CDK13: variants seen among roughly 807,000 people sequenced by gnomAD.
CDK13 encodes the protein cyclin dependent kinase 13, also known as cyclin-dependent kinase 13.
Under a neutral mutation model 137.6 loss-of-function variants are expected in CDK13, and 40 were observed. That is an observed-to-expected ratio of 0.29 (90% CI 0.23 to 0.38). The LOEUF (loss-of-function observed/expected upper bound fraction) is 0.38, where lower values mean the gene tolerates loss of function less well. Among genes scored for constraint, CDK13 ranks in the 10% least tolerant of loss-of-function variants. The probability of loss-of-function intolerance (pLI) is 1.00; values close to 1 mark genes in which losing one functional copy is unlikely to be tolerated. For missense variants in CDK13, 1,704 were observed against 1,951.8 expected, an observed-to-expected ratio of 0.87 and a Z score of 2.39; for synonymous variants, 869 against 760.1, an observed-to-expected ratio of 1.14 and a Z score of -2.36.
intron 1 of CDK13, among the ~76,000 whole-genome samples, chr7:39,957,038 T>C (rs370261224): frequency 6.6e-6 from 1 of 152,152 alleles, no homozygotes; most frequent in Non-Finnish European, 1.5e-5. Context: ...AACTCTCTTT[T>C]GCTCTTCATC....
intron 1 of CDK13, among the ~76,000 whole-genome samples, chr7:39,976,323 T>TCTCACA: frequency 4.7e-3 from 184 of 39,566 alleles, no homozygotes; most frequent in African/African-American, 0.012. Context: ...TCTCTCTCTC[T>TCTCACA]CACACACACA....
At chr7:40,069,353 T>C (rs756655156) in intron 9 of CDK13, 7 of 455,918 alleles carry the variant, frequency 1.5e-5, no homozygotes, top group African/African-American at 4.0e-5. Context: ...CTGACTATAA[T>C]GAGGCAACGG....
chr7:40,065,208 G>A (rs1786254513), intron 9 of CDK13, among the ~76,000 whole-genome samples: 1 of 151,730 alleles, frequency 6.6e-6, no homozygotes, highest in Admixed American at 6.6e-5. Flanking sequence ...ATAGAGGAAG[G>A]AACTCCAAAA....
intron 1 of CDK13, among the ~76,000 whole-genome samples, chr7:39,968,038 C>T (rs1052958266): frequency 2.0e-5 from 3 of 152,150 alleles, no homozygotes; most frequent in African/African-American, 4.8e-5. Flanking sequence ...ACTGTATTCC[C>T]TCTTTTGAGG....
intron 5 of CDK13, among the ~76,000 whole-genome samples, chr7:40,003,704 G>A (rs769613618): frequency 1.3e-5 from 2 of 152,148 alleles, no homozygotes; most frequent in African/African-American, 4.8e-5. Context: ...TACCAGGGAC[G>A]TCCTGCTTTT....
At chr7:39,962,500 T>C (rs1034864804) in intron 1 of CDK13, among the ~76,000 whole-genome samples, 3 of 152,232 alleles carry the variant, frequency 2.0e-5, no homozygotes, top group African/African-American at 7.2e-5. Flanking sequence ...TCTTGTAAAT[T>C]TGTTTAAGTT....
At chr7:40,025,105 C>T (rs1458390231) in intron 5 of CDK13, among the ~76,000 whole-genome samples, 2 of 152,136 alleles carry the variant, frequency 1.3e-5, no homozygotes, top group Admixed American at 1.3e-4. Flanking sequence ...AACTCATGCT[C>T]CTGATCCCTA....
chr7:39,999,802 G>A (rs1315386546), intron 4 of CDK13, among the ~76,000 whole-genome samples: 1 of 152,096 alleles, frequency 6.6e-6, no homozygotes, highest in Admixed American at 6.6e-5. Flanking sequence ...ATTAATCAGA[G>A]GGAAAGGTAT....
chr7:40,089,715 A>AGT (rs1273495355), intron 12 of CDK13, among the ~76,000 whole-genome samples: 2 of 143,466 alleles, frequency 1.4e-5, no homozygotes, highest in African/African-American at 5.6e-5. Context: ...AGAGAGAGAG[A>AGT]GAGAGAGAGT....
chr7:40,099,383 T>C lies in CDK13; in HGVS notation c.*4403T>C, dbSNP rs975713613. The C allele has an allele frequency of 3.3e-5, 5 of 152,236 alleles. No homozygotes were observed. Among genetic ancestry groups the C allele is most frequent in the African/African-American group, 1.2e-4 (5 of 41,472 alleles). 9.4% of individuals were successfully genotyped at this position (152,236 alleles called of 1,614,324 possible). On this transcript the variant is annotated 3_prime_UTR_variant, in exon 14 of 14. Coordinates refer to ENST00000181839, the MANE Select transcript of CDK13 (RefSeq NM_003718.5). ...TTCTAATTGTATTCAAATGAGGCTC[T>C]ATAGTGAATACAGAATCACTCTTCT...
chr7:40,062,992 A>G (rs377482426), intron 8 of CDK13, 31 bp from the exon 9 acceptor site: 13 of 1,608,296 alleles, frequency 8.1e-6, no homozygotes, highest in Non-Finnish European at 1.0e-5. Context: ...AAAATAGATC[A>G]TTTGGTAATG....
intron 5 of CDK13, among the ~76,000 whole-genome samples, chr7:40,008,352 T>G (rs948719095): frequency 4.0e-4 from 61 of 152,228 alleles, no homozygotes; most frequent in African/African-American, 1.5e-3. Flanking sequence ...AACATTTTCA[T>G]CATCTTAGCA....
chr7:39,987,277 C>G (rs777353699), intron 1 of CDK13: 42 of 187,548 alleles, frequency 2.2e-4, no homozygotes, highest in Non-Finnish European at 4.0e-4. Flanking sequence ...AGACTTTACC[C>G]TGCTGCTACT....
At chr7:39,986,058 A>C (rs1784332872) in intron 1 of CDK13, 1 of 152,254 alleles carries the variant, frequency 6.6e-6, no homozygotes, top group Non-Finnish European at 1.5e-5. Context: ...TTGGGCACAG[A>C]GTAGGGCAGA....
chr7:39,970,728 T>C (rs887243052), intron 1 of CDK13, among the ~76,000 whole-genome samples: 1 of 152,228 alleles, frequency 6.6e-6, no homozygotes, highest in Non-Finnish European at 1.5e-5. Flanking sequence ...CCCAAAGTGC[T>C]GGGATTACAG....
chr7:40,030,772 C>T (rs1032254310), intron 5 of CDK13, among the ~76,000 whole-genome samples: 7 of 151,924 alleles, frequency 4.6e-5, no homozygotes, highest in African/African-American at 7.3e-5. Context: ...TCATACAATA[C>T]GTAGACTATT....
chr7:40,088,277 G>C lies in CDK13; in HGVS notation c.3181G>C (p.Gly1061Arg), dbSNP rs769271793. 4 of 1,614,002 alleles carry C rather than the reference G, an allele frequency of 2.5e-6. No individual in the cohort carries two copies. The South Asian group carries it at 4.4e-5, about 18-fold the overall frequency. ...TGACAGCAGAACCAACACACCCCAGGGTGTGCTGCCATCTTCACAGCTGAA... is the reference window on the plus strand; with the variant it reads ...TGACAGCAGAACCAACACACCCCAGCGTGTGCTGCCATCTTCACAGCTGAA... ...LDDSRTNTPQ[G>R]VLPSSQLKSQ... Residue 1061 changes from glycine (G) to arginine (R), a missense_variant, in exon 12 of 14, where the codon GGT (glycine) becomes CGT (arginine). Coordinates refer to ENST00000181839, the MANE Select transcript of CDK13 (RefSeq NM_003718.5).
At position 39,951,392 on chromosome 7, in the gene CDK13, A is replaced by G. The variant is rs1583893167; in HGVS notation, c.751A>G (p.Ser251Gly). Residue 251 changes from serine (S) to glycine (G), a missense_variant, in exon 1 of 14, where the codon AGC becomes GGC. By Grantham distance (56) the Ser-to-Gly change is moderately conservative (BLOSUM62 0). Transcript: ENST00000181839. ...GGCCGAGGTCGCCAAGAGCGGCAGC[A>G]GCAGCAGCAGCGGCGGCCGCCGGAA... Reference protein sequence around the residue: ...ERAEVAKSGSSSSSGGRRKSA... With the variant: ...ERAEVAKSGSGSSSGGRRKSA... The G allele has an allele frequency of 2.6e-6, 4 of 1,524,364 alleles. No homozygotes were observed. Among genetic ancestry groups the G allele is most frequent in the Non-Finnish European group, 3.5e-6 (4 of 1,138,978 alleles). 94.4% of individuals were successfully genotyped at this position (1,524,364 alleles called of 1,614,324 possible).
intron 9 of CDK13, among the ~76,000 whole-genome samples, chr7:40,076,328 T>C (rs892808256): frequency 1.3e-5 from 2 of 152,130 alleles, no homozygotes; most frequent in Admixed American, 6.6e-5. Context: ...CTGAGTAGCA[T>C]TGGAGAATAC....
Sources: allele counts gnomAD v4.1 joint callset (sites outside exome capture counted in the v4.1 genomes callset), GRCh38; gene constraint gnomAD v4.1.1; transcripts MANE v1.5; gene names NCBI Gene and HGNC (gene_info 2026-07-23, HGNC 2026-07-21).